The following KIF26B variants were observed in gnomAD, a reference collection of about 807,000 sequenced individuals.
KIF26B encodes the protein kinesin-like protein KIF26B.
KIF26B carries 63 observed loss-of-function variants against 151.2 expected under a neutral mutation model. The observed-to-expected ratio is 0.42, with a 90% confidence interval of 0.34 to 0.51. KIF26B has a LOEUF of 0.51. Ranked by LOEUF, KIF26B falls within the 20% of genes least tolerant of loss-of-function variation. KIF26B has a pLI of 0.07. For synonymous variants in KIF26B, 1,357 were observed against 1,262.1 expected (o/e 1.08, Z -1.59); for missense variants, 2,813 against 2,913.6 (o/e 0.97, Z 0.79).
At chr1:245,317,593 A>C (rs955418518) in intron 2 of KIF26B, among the ~76,000 whole-genome samples, 1 of 152,252 alleles carries the variant, frequency 6.6e-6, no homozygotes, top group African/African-American at 2.4e-5. Context: ...GAAAAGCACA[A>C]AGCTACTGAA....
chr1:245,186,252 C>T (rs540916400), intron 2 of KIF26B, among the ~76,000 whole-genome samples: 224 of 152,104 alleles, frequency 1.5e-3, no homozygotes, highest in Middle Eastern at 3.4e-3. Context: ...ATGCCCCCTT[C>T]GATGAGTCAT....
At chr1:245,273,539 C>G (rs940117019) in intron 2 of KIF26B, among the ~76,000 whole-genome samples, 11 of 151,742 alleles carry the variant, frequency 7.2e-5, no homozygotes, top group African/African-American at 2.7e-4. Flanking sequence ...ATCTTTGGGT[C>G]TCTGATGTTG....
In KIF26B at chr1:245,564,056, C is replaced by T. The variant is rs2042982038; in HGVS notation, c.1350+23106C>T. On this transcript the variant is annotated intron_variant, in intron 5 of 14. Transcript: ENST00000407071. This position sits in a 1 kb window ranked among gnomAD's most constrained non-coding sequence, Gnocchi z 4.6. ...TGCTCGTGAACAGCTAAGCAGGTCA[C>T]GCTGAGCTCGACACAGTCCAATCCC... Among the ~76,000 whole-genome samples, 1 of 152,176 alleles carries T rather than the reference C, an allele frequency of 6.6e-6. No homozygotes were observed. Among genetic ancestry groups the T allele is most frequent in the Admixed American group, 6.5e-5 (1 of 15,270 alleles).
chr1:245,636,200 G>A (rs2043832034), intron 9 of KIF26B, among the ~76,000 whole-genome samples: 1 of 152,040 alleles, frequency 6.6e-6, no homozygotes, highest in South Asian at 2.1e-4. Flanking sequence ...GTTTTGAGAT[G>A]GGGGTATTTG....
At chr1:245,444,134 ACTGTTCACCTAGAGCGGTCATCTCC>A (rs1659191490) in intron 4 of KIF26B, among the ~76,000 whole-genome samples, 1 of 134,614 alleles carries the variant, frequency 7.4e-6, no homozygotes, top group Non-Finnish European at 1.6e-5. Context: ...CATCTCCCTT[ACTGTTCACCTAGAGCGGTCATCTCC>A]CTCACTGTTC....
chr1:245,233,167 G>A (rs545056763), intron 2 of KIF26B, among the ~76,000 whole-genome samples: 23 of 152,302 alleles, frequency 1.5e-4, no homozygotes, highest in African/African-American at 5.5e-4. Flanking sequence ...TGGGCATAAT[G>A]AAATGATTAG....
chr1:245,642,454 G>A (rs537928602), intron 9 of KIF26B, among the ~76,000 whole-genome samples: 75 of 151,672 alleles, frequency 4.9e-4, no homozygotes, highest in Non-Finnish European at 8.8e-4. Flanking sequence ...CTAGCTACTC[G>A]GGAGGCTGAG....
intron 2 of KIF26B, among the ~76,000 whole-genome samples, chr1:245,189,723 G>T (rs990993904): frequency 1.3e-5 from 2 of 152,250 alleles, no homozygotes; most frequent in African/African-American, 4.8e-5. Flanking sequence ...CTGGAAGGTT[G>T]TGTGTTAACA....
intron 2 of KIF26B, among the ~76,000 whole-genome samples, chr1:245,226,586 C>T (rs1315857876): frequency 6.6e-6 from 1 of 152,054 alleles, no homozygotes; most frequent in African/African-American, 2.4e-5. Context: ...GCCTCAGCCT[C>T]CTGAGTAGCT....
At chr1:245,520,611 C>CCCATCCATCCATCCATCCATCCAT (rs1210147249) in intron 4 of KIF26B, among the ~76,000 whole-genome samples, 5 of 78,682 alleles carry the variant, frequency 6.4e-5, no homozygotes, top group African/African-American at 1.8e-4. Flanking sequence ...CACCCACCCA[C>CCCATCCATCCATCCATCCATCCAT]CCATCCATCC....
At chr1:245,464,021 G>A (rs1190957071) in intron 4 of KIF26B, among the ~76,000 whole-genome samples, 4 of 152,234 alleles carry the variant, frequency 2.6e-5, no homozygotes, top group African/African-American at 7.2e-5. Flanking sequence ...TCTGGAAAAC[G>A]TGCACAGACT....
intron 5 of KIF26B, among the ~76,000 whole-genome samples, chr1:245,552,895 C>T (rs1036412726): frequency 6.6e-5 from 10 of 152,176 alleles, no homozygotes; most frequent in Admixed American, 2.0e-4. Context: ...CCACCGCACA[C>T]AGCCTCCCTG....
chr1:245,628,095 A>G lies in KIF26B; in HGVS notation c.2098+16119A>G, dbSNP rs568630717. 2.6e-5 allele frequency among the ~76,000 whole-genome samples: 4 copies of G among 152,346 alleles called. No homozygotes were observed. In the South Asian group the frequency reaches 8.3e-4, roughly 32 times the overall value. On this transcript the variant is annotated intron_variant, in intron 9 of 14. Coordinates refer to ENST00000407071, the MANE Select transcript of KIF26B (RefSeq NM_018012.4). Reference sequence around the variant, plus strand: ...CATTCCTTCTGAAACTATTCCAAACAATAGAAAAAGAGGGAATCCTCCCTA... The same window carrying G: ...CATTCCTTCTGAAACTATTCCAAACGATAGAAAAAGAGGGAATCCTCCCTA...
At chr1:245,371,100 T>C (rs756845396) in intron 3 of KIF26B, among the ~76,000 whole-genome samples, 2 of 152,318 alleles carry the variant, frequency 1.3e-5, no homozygotes, top group Non-Finnish European at 2.9e-5. Context: ...GGGTATGTTC[T>C]GTTGCTTCTT....
chr1:245,618,826 G>A (rs1187647506), intron 9 of KIF26B, among the ~76,000 whole-genome samples: 1 of 147,744 alleles, frequency 6.8e-6, no homozygotes, highest in Non-Finnish European at 1.5e-5. Flanking sequence ...TGGTGAGCTT[G>A]TCCAAGCCCT....
intron 2 of KIF26B, among the ~76,000 whole-genome samples, chr1:245,321,000 A>G (rs544724595): frequency 6.6e-6 from 1 of 152,278 alleles, no homozygotes; most frequent in East Asian, 1.9e-4. Context: ...ATGTAAACAA[A>G]AGGCCATCAA....
intron 4 of KIF26B, among the ~76,000 whole-genome samples, chr1:245,420,214 G>T (rs1177763): frequency 6.6e-6 from 1 of 152,054 alleles, no homozygotes; most frequent in African/African-American, 2.4e-5. Flanking sequence ...TTTCTCCCCC[G>T]CTTCTTGACA....
intron 4 of KIF26B, among the ~76,000 whole-genome samples, chr1:245,489,658 G>A (rs1304164514): frequency 3.3e-5 from 5 of 152,232 alleles, no homozygotes; most frequent in African/African-American, 9.7e-5. Context: ...GTCGGGCTAT[G>A]TATATGTAAA....
chr1:245,507,334 A>G (rs932122002), intron 4 of KIF26B, among the ~76,000 whole-genome samples: 13 of 152,198 alleles, frequency 8.5e-5, no homozygotes, highest in Non-Finnish European at 1.5e-4. Context: ...AACCAGGAGG[A>G]TGCAGGATTG....
Sources: allele counts gnomAD v4.1 joint callset (sites outside exome capture counted in the v4.1 genomes callset), GRCh38; gene constraint gnomAD v4.1.1; non-coding constraint Gnocchi (gnomAD v3.1); transcripts MANE v1.5; gene names NCBI Gene and HGNC (gene_info 2026-07-23, HGNC 2026-07-21).